The following HMG20A variants were observed in gnomAD, a reference collection of about 807,000 sequenced individuals.
HMG20A encodes high mobility group 20A.
A neutral mutation model predicts 43.9 loss-of-function variants in HMG20A; 17 were observed. The observed-to-expected ratio is 0.39, with a 90% CI of 0.27 to 0.58. HMG20A has a LOEUF of 0.58. HMG20A is among the 20% of genes least tolerant of loss of function. The pLI, the probability that HMG20A is intolerant of heterozygous loss-of-function variation, is 0.59. For synonymous variants in HMG20A, 132 were observed against 147.5 expected (o/e 0.89, Z 0.76); for missense variants, 341 against 438.2 (o/e 0.78, Z 1.98).
chr15:77,492,801 A>C, the HMG20A span, among the ~76,000 whole-genome samples: 1 of 152,048 alleles, frequency 6.6e-6, no homozygotes, highest in Admixed American at 6.6e-5. Context: ...ACAGAGCAAG[A>C]CTCTGTCTCC....
At chr15:77,443,352 TATG>T (rs771200087) in intron 1 of HMG20A, among the ~76,000 whole-genome samples, 2,231 of 141,734 alleles carry the variant, frequency 0.016, 21 homozygotes, top group African/African-American at 0.022. Context: ...ATCTATTTTT[TATG>T]ATGATGATGA....
At chr15:77,479,469 A>G (rs908293800) in intron 9 of HMG20A, 148 bp downstream of exon 9, 21 of 699,444 alleles carry the variant, frequency 3.0e-5, no homozygotes, top group East Asian at 1.1e-4. Context: ...TGGTTGTTAA[A>G]TGTAGTAAAT....
At chr15:77,464,174 A>G (rs951667775) in intron 2 of HMG20A, 66 bp from the exon 3 acceptor site, 6 of 1,564,358 alleles carry the variant, frequency 3.8e-6, no homozygotes, top group Non-Finnish European at 4.4e-6. Context: ...TGGCAGGGAA[A>G]TTTATCTAGA....
At chr15:77,437,818 C>T (rs1367845918) in intron 1 of HMG20A, among the ~76,000 whole-genome samples, 1 of 152,140 alleles carries the variant, frequency 6.6e-6, no homozygotes, top group Non-Finnish European at 1.5e-5. Context: ...AGATGATCTC[C>T]CTGCCTCGGC....
Position 77,485,113 on chromosome 15 carries a change from A to G in HMG20A, c.*2150A>G, listed in dbSNP as rs1294180898. On this transcript the variant is annotated 3_prime_UTR_variant, in exon 10 of 10. Transcript: ENST00000336216. Reference sequence around the variant, plus strand: ...CAGTATGAAATCATTTTCACAAAATAAGCAGCTTGCTTCTGAAATGCTGTC... The same window carrying G: ...CAGTATGAAATCATTTTCACAAAATGAGCAGCTTGCTTCTGAAATGCTGTC... The G allele has an allele frequency of 6.6e-6, 1 of 152,348 alleles. No homozygotes were observed. Among genetic ancestry groups the G allele is most frequent in the Non-Finnish European group, 1.5e-5 (1 of 68,050 alleles). 9.4% of individuals were successfully genotyped at this position (152,348 alleles called of 1,614,324 possible).
At chr15:77,449,629 A>G (rs1395415766) in intron 1 of HMG20A, among the ~76,000 whole-genome samples, 2 of 152,186 alleles carry the variant, frequency 1.3e-5, no homozygotes, top group African/African-American at 4.8e-5. Context: ...ATAATATGGC[A>G]ATTTTAAAAT....
In HMG20A at chr15:77,483,773, G is replaced by C. The variant is rs1464679043; in HGVS notation, c.*810G>C. On this transcript the variant is annotated 3_prime_UTR_variant, in exon 10 of 10. Coordinates refer to ENST00000336216, the MANE Select transcript of HMG20A (RefSeq NM_001304504.2). Reference sequence around the variant, plus strand: ...CAAGGCTCTTCTGTTCCCATCTGTTGACAATGTCTTGTGGAGCATTTTTGC... The same window carrying C: ...CAAGGCTCTTCTGTTCCCATCTGTTCACAATGTCTTGTGGAGCATTTTTGC... 6.5e-6 allele frequency: 1 copy of C among 152,680 alleles called. No homozygotes were observed. The highest frequency in any genetic ancestry group is 1.5e-5 in the Non-Finnish European group (1 of 68,068). 9.5% of individuals were successfully genotyped at this position (152,680 alleles called of 1,614,324 possible).
At chr15:77,480,079 G>A (rs1030053415) in intron 9 of HMG20A, among the ~76,000 whole-genome samples, 6 of 151,924 alleles carry the variant, frequency 3.9e-5, no homozygotes, top group African/African-American at 1.5e-4. Context: ...GATCGCTGGA[G>A]TCCAGGTTCA....
intron 1 of HMG20A, among the ~76,000 whole-genome samples, chr15:77,436,249 A>G (rs2073546611): frequency 6.6e-6 from 1 of 151,916 alleles, no homozygotes; most frequent in Non-Finnish European, 1.5e-5. Flanking sequence ...TAATCCCCTT[A>G]CCCGTTCAAC....
At chr15:77,423,911 A>C (rs1438314365) in intron 1 of HMG20A, among the ~76,000 whole-genome samples, 2 of 152,166 alleles carry the variant, frequency 1.3e-5, no homozygotes, top group African/African-American at 4.8e-5. Flanking sequence ...TAGCCTTCAC[A>C]GGTATTCAAA....
At chr15:77,467,355 A>C in intron 4 of HMG20A, 48 bp downstream of exon 4, 84 of 1,460,892 alleles carry the variant, frequency 5.7e-5, no homozygotes, top group Non-Finnish European at 6.8e-5. Flanking sequence ...ATTATATCTC[A>C]GAAATAACTT....
At chr15:77,506,692 C>T in the HMG20A span, among the ~76,000 whole-genome samples, 2 of 152,246 alleles carry the variant, frequency 1.3e-5, no homozygotes, top group African/African-American at 2.4e-5. Context: ...GCCCAGCCCA[C>T]GTTCCGGTTT....
the HMG20A span, among the ~76,000 whole-genome samples, chr15:77,516,116 G>A: frequency 3.8e-4 from 58 of 152,314 alleles, 2 homozygotes; most frequent in South Asian, 9.9e-3. Flanking sequence ...AATACTGCTC[G>A]AGGGGAATTG....
the HMG20A span, among the ~76,000 whole-genome samples, chr15:77,491,552 G>A: frequency 6.6e-6 from 1 of 152,096 alleles, no homozygotes; most frequent in Non-Finnish European, 1.5e-5. Context: ...GTGTAAAGTT[G>A]AGGAAGTCCC....
chr15:77,498,954 C>G, the HMG20A span, among the ~76,000 whole-genome samples: 1 of 152,152 alleles, frequency 6.6e-6, no homozygotes. Flanking sequence ...TTCCTTCCAC[C>G]TTTATTGGCT....
chr15:77,514,341 G>A, the HMG20A span, among the ~76,000 whole-genome samples: 1 of 152,102 alleles, frequency 6.6e-6, no homozygotes, highest in African/African-American at 2.4e-5. Flanking sequence ...TTTCTATGAA[G>A]GTCAAGAACA....
Position 77,482,971 on chromosome 15 carries a change from TCTTAGAA to T in HMG20A, c.*11_*17del. ...TGTTTTGTTTTCCTGATTCTACAGG[TCTTAGAA>T]CTCCAAGATGTTCCATAAGTGTTTT... On this transcript the variant is annotated splice_region_variant and 3_prime_UTR_variant, in exon 10 of 10. Transcript: ENST00000336216. 6.6e-6 allele frequency: 1 copy of T among 152,268 alleles called. No homozygotes were observed. The highest frequency in any genetic ancestry group is 2.4e-5 in the African/African-American group (1 of 41,460). The allele number at this position is 152,268 out of a possible 1,614,324, so 9.4% of individuals were successfully genotyped here.
chr15:77,509,555 CGT>C, the HMG20A span, among the ~76,000 whole-genome samples: 9,859 of 115,134 alleles, frequency 0.086, 443 homozygotes, highest in African/African-American at 0.12. Context: ...TGTGCCCAGC[CGT>C]GTGTGTGTGT....
intron 1 of HMG20A, among the ~76,000 whole-genome samples, chr15:77,432,005 A>G (rs1275580839): frequency 1.3e-5 from 2 of 152,306 alleles, no homozygotes; most frequent in African/African-American, 2.4e-5. Context: ...TTGTGCGTAT[A>G]TACCACATTT....
Sources: gnomAD v4.1 joint callset for allele counts (sites outside exome capture counted in the v4.1 genomes callset) on GRCh38, gnomAD v4.1.1 for gene constraint, MANE v1.5 for transcripts, NCBI Gene and HGNC (gene_info 2026-07-23, HGNC 2026-07-21) for gene names.